Variants in KCNIP4 observed in about 807,000 individuals in gnomAD.
The protein encoded by KCNIP4 is Kv channel-interacting protein 4.
A neutral mutation model predicts 34.0 loss-of-function variants in KCNIP4; 12 were observed. The observed-to-expected ratio is 0.35, with a 90% CI of 0.23 to 0.57. The LOEUF is 0.57. Among genes scored for constraint, KCNIP4 ranks in the 20% least tolerant of loss-of-function variants. The probability of loss-of-function intolerance (pLI) is 0.83; values close to 1 mark genes in which losing one functional copy is unlikely to be tolerated. For synonymous variants in KCNIP4, 124 were observed against 102.2 expected (o/e 1.21, Z -1.29); for missense variants, 238 against 311.7 (o/e 0.76, Z 1.78).
chr4:21,459,000 A>G (rs915598146), intron 1 of KCNIP4, among the ~76,000 whole-genome samples: 8 of 151,768 alleles, frequency 5.3e-5, no homozygotes, highest in African/African-American at 1.9e-4. Context: ...CTCTCCTCTT[A>G]TTTCCCCTAC....
intron 1 of KCNIP4, among the ~76,000 whole-genome samples, chr4:21,673,262 G>A (rs578038477): frequency 2.6e-5 from 4 of 152,162 alleles, no homozygotes; most frequent in East Asian, 1.9e-4. Context: ...ACCCGCCTAC[G>A]GCCACAGTTA....
intron 1 of KCNIP4, among the ~76,000 whole-genome samples, chr4:21,166,914 GGGGGACA>G (rs1241359683): frequency 1.5e-5 from 2 of 135,772 alleles, no homozygotes; most frequent in African/African-American, 5.9e-5. Flanking sequence ...ACTCCAGCCT[GGGGGACA>G]GAGCTACACT....
chr4:21,738,645 T>C (rs1200752215), intron 1 of KCNIP4, among the ~76,000 whole-genome samples: 1 of 152,210 alleles, frequency 6.6e-6, no homozygotes. Flanking sequence ...TTTAAAATGC[T>C]GCCTTTAATT....
chr4:21,018,561 A>C (rs182596120), intron 1 of KCNIP4, among the ~76,000 whole-genome samples: 84 of 152,264 alleles, frequency 5.5e-4, no homozygotes, highest in Admixed American at 9.2e-4. Flanking sequence ...CTCCTCTCAT[A>C]GCCAACTTTG....
intron 1 of KCNIP4, among the ~76,000 whole-genome samples, chr4:21,590,987 C>G (rs1000623359): frequency 6.6e-6 from 1 of 151,792 alleles, no homozygotes; most frequent in Non-Finnish European, 1.5e-5. Context: ...GTAAAACACA[C>G]AAGAACACTA....
At chr4:21,198,334 T>C (rs556157443) in intron 1 of KCNIP4, among the ~76,000 whole-genome samples, 2 of 152,302 alleles carry the variant, frequency 1.3e-5, no homozygotes, top group East Asian at 3.9e-4. Flanking sequence ...CTGTTTACAA[T>C]TGATAATGAG....
intron 1 of KCNIP4, among the ~76,000 whole-genome samples, chr4:21,135,112 A>T (rs1025310768): frequency 4.6e-5 from 7 of 152,224 alleles, no homozygotes; most frequent in Non-Finnish European, 1.0e-4. Flanking sequence ...GACAGTCTGC[A>T]GAGGTCTCAC....
intron 5 of KCNIP4, among the ~76,000 whole-genome samples, chr4:20,735,724 A>C (rs1458947925): frequency 3.3e-5 from 5 of 151,892 alleles, no homozygotes; most frequent in Non-Finnish European, 7.4e-5. Flanking sequence ...TTTGGTAGAG[A>C]TGGGGTTTCA....
intron 1 of KCNIP4, among the ~76,000 whole-genome samples, chr4:20,973,631 C>T (rs1033509197): frequency 3.9e-5 from 6 of 152,206 alleles, no homozygotes; most frequent in Non-Finnish European, 7.3e-5. Flanking sequence ...TTTCATCATG[C>T]GTTCCTCACT....
In KCNIP4 at chr4:21,120,741, T is replaced by G. The variant is rs57616596; in HGVS notation, c.62-238032A>C. Among the ~76,000 whole-genome samples the G allele has an allele frequency of 3.6e-3, 555 of 152,274 alleles. 4 individuals are homozygous for G. Among genetic ancestry groups the G allele is most frequent in the African/African-American group, 0.012 (505 of 41,552 alleles). ...AGTTCTCTCCCTAAATACCTGGGGA[T>G]TAAAATTCAAGATGAGATTTGGGTG... On this transcript the variant is annotated intron_variant, in intron 1 of 8. Transcript: ENST00000382152.
intron 1 of KCNIP4, among the ~76,000 whole-genome samples, chr4:21,890,456 G>A (rs1415139785): frequency 6.6e-6 from 1 of 152,174 alleles, no homozygotes; most frequent in African/African-American, 2.4e-5. Flanking sequence ...AGAGCCTAAA[G>A]ACCAATTTTA....
chr4:21,033,417 A>G (rs1383593673), intron 1 of KCNIP4, among the ~76,000 whole-genome samples: 1 of 152,228 alleles, frequency 6.6e-6, no homozygotes, highest in Admixed American at 6.5e-5. Flanking sequence ...AAGCAGGGCT[A>G]TGTTTTTTGA....
At position 20,899,882 on chromosome 4, in the gene KCNIP4, C is replaced by T. The variant is rs1231080025; in HGVS notation, c.62-17173G>A. 2.6e-5 allele frequency among the ~76,000 whole-genome samples: 4 copies of T among 152,158 alleles called. No individual in the cohort carries two copies. The East Asian group carries it at 7.7e-4, about 29-fold the overall frequency. On this transcript the variant is annotated intron_variant, in intron 1 of 8. Transcript: ENST00000382152. ...AATAGAACATGATCCCTGTGTAATT[C>T]ACTCTGACTAGGCTTCATCCTAAAC...
chr4:20,810,011 A>T lies in KCNIP4; in HGVS notation c.288+40532T>A, dbSNP rs148280906. Among the ~76,000 whole-genome samples, 3 of 152,324 alleles carry T rather than the reference A, an allele frequency of 2.0e-5. No individual in the cohort carries two copies. The East Asian group carries it at 5.8e-4, about 29-fold the overall frequency. On this transcript the variant is annotated intron_variant, in intron 3 of 8. Transcript: ENST00000382152. ...GATCTCTTCAGCAGCACGTTTTTGC[A>T]CATGAAACCTGTGTAAACTCAGCAT... is the stretch of plus-strand genomic sequence containing the variant.
intron 1 of KCNIP4, among the ~76,000 whole-genome samples, chr4:21,654,646 G>A (rs1269171071): frequency 2.0e-5 from 3 of 152,088 alleles, no homozygotes; most frequent in Admixed American, 1.3e-4. Flanking sequence ...AAACTGGGCC[G>A]GGTATGGTGG....
chr4:21,544,450 G>A (rs1737971628), intron 1 of KCNIP4: 1 of 152,148 alleles, frequency 6.6e-6, no homozygotes, highest in Non-Finnish European at 1.5e-5. Context: ...AATCTCACAG[G>A]CTGAAATCCA....
At chr4:21,423,639 C>T (rs1431633867) in intron 1 of KCNIP4, among the ~76,000 whole-genome samples, 1 of 152,138 alleles carries the variant, frequency 6.6e-6, no homozygotes, top group Non-Finnish European at 1.5e-5. Flanking sequence ...TTCTCCATGT[C>T]CATGTCACAA....
At chr4:20,837,686 A>ATATATATATATT (rs1350419753) in intron 3 of KCNIP4, among the ~76,000 whole-genome samples, 1 of 117,400 alleles carries the variant, frequency 8.5e-6, no homozygotes, top group African/African-American at 3.4e-5. Context: ...ATATATATAT[A>ATATATATATATT]TTTTTTTTTC....
At chr4:20,946,967 G>A (rs1016622931) in intron 1 of KCNIP4, among the ~76,000 whole-genome samples, 12 of 152,118 alleles carry the variant, frequency 7.9e-5, no homozygotes, top group African/African-American at 2.9e-4. Flanking sequence ...CTGCCTATAT[G>A]TATTTTTAGT....
Sources: gnomAD v4.1 joint callset for allele counts (sites outside exome capture counted in the v4.1 genomes callset) on GRCh38, gnomAD v4.1.1 for gene constraint, MANE v1.5 for transcripts, NCBI Gene and HGNC (gene_info 2026-07-23, HGNC 2026-07-21) for gene names.